The following CDH4 variants were observed in gnomAD, a reference collection of about 807,000 sequenced individuals.
CDH4 encodes cadherin 4.
Under a neutral mutation model 86.0 loss-of-function variants are expected in CDH4, and 33 were observed. That is an observed-to-expected ratio of 0.38 (90% confidence interval 0.29 to 0.51). The LOEUF is 0.51. CDH4 is among the 20% of genes least tolerant of loss of function. The pLI is 0.86. For synonymous variants in CDH4, 555 were observed against 549.4 expected, an observed-to-expected ratio of 1.01 and a Z score of -0.14; for missense variants, 1,114 against 1,307.4, an observed-to-expected ratio of 0.85 and a Z score of 2.28.
intron 2 of CDH4, among the ~76,000 whole-genome samples, chr20:61,733,432 G>A (rs891701391): frequency 6.6e-6 from 1 of 152,038 alleles, no homozygotes; most frequent in Non-Finnish European, 1.5e-5. Context: ...CGACTTTCTG[G>A]GTCTGCTCCC....
At chr20:61,444,347 C>CATCTG (rs1358388631) in intron 2 of CDH4, among the ~76,000 whole-genome samples, 26 of 4,416 alleles carry the variant, frequency 5.9e-3, no homozygotes, top group East Asian at 0.019. Flanking sequence ...CTGTGTGTGT[C>CATCTG]TGTGTATATT....
intron 2 of CDH4, among the ~76,000 whole-genome samples, chr20:61,388,413 C>T (rs942865566): frequency 6.8e-6 from 1 of 147,940 alleles, no homozygotes; most frequent in African/African-American, 2.5e-5. Context: ...CTGCACTGTG[C>T]GGCGAGCCAC....
intron 8 of CDH4, among the ~76,000 whole-genome samples, chr20:61,907,507 C>T (rs576275073): frequency 2.1e-4 from 32 of 152,264 alleles, no homozygotes; most frequent in African/African-American, 3.6e-4. Context: ...TGGCCTGAGT[C>T]GCCCCTGCTA....
chr20:61,594,995 A>G (rs977144128), intron 2 of CDH4, among the ~76,000 whole-genome samples: 2 of 152,212 alleles, frequency 1.3e-5, no homozygotes, highest in Middle Eastern at 3.2e-3. Flanking sequence ...CTGGCCATGC[A>G]CTGAGGGTGC....
intron 2 of CDH4, among the ~76,000 whole-genome samples, chr20:61,505,370 G>A (rs1600717428): frequency 6.6e-6 from 1 of 152,144 alleles, no homozygotes. Context: ...GCTTCAGGAC[G>A]GCCCGCTTTG....
At chr20:61,737,149 C>G (rs573386129) in intron 2 of CDH4, among the ~76,000 whole-genome samples, 4 of 152,176 alleles carry the variant, frequency 2.6e-5, no homozygotes, top group Non-Finnish European at 5.9e-5. Flanking sequence ...GGGCTGAGCC[C>G]TGCCTGGCAT....
intron 2 of CDH4, among the ~76,000 whole-genome samples, chr20:61,291,635 A>G (rs1894551255): frequency 6.6e-6 from 1 of 152,244 alleles, no homozygotes; most frequent in Non-Finnish European, 1.5e-5. Flanking sequence ...AGTGTGCCAC[A>G]AGGCCAAACA....
rs566342065 is a variant in CDH4 at position 61,732,255 on chromosome 20, G to A, written c.170-11308G>A. The stretch of plus-strand genomic sequence containing the variant: ...CCTAGCAAGTCCTGGTGAAGTGATG[G>A]ACATGAACACTGTGATATTCCAAAC... On this transcript the variant is annotated intron_variant, in intron 2 of 15. Transcript: ENST00000614565. 3.3e-5 allele frequency among the ~76,000 whole-genome samples: 5 copies of A among 152,294 alleles called. No homozygotes were observed. The South Asian group carries it at 8.3e-4, about 25-fold the overall frequency.
At position 61,464,769 on chromosome 20, in the gene CDH4, G is replaced by A. The variant is rs374575813; in HGVS notation, c.169+209832G>A. On this transcript the variant is annotated intron_variant, in intron 2 of 15. Coordinates refer to ENST00000614565, the MANE Select transcript of CDH4 (RefSeq NM_001794.5). Reference sequence around the variant, plus strand: ...AGAGCCCAGGTCCCCTCCTGAGCAAGAGTGGGCGCTCCTGCCAGCATCCAC... The same window carrying A: ...AGAGCCCAGGTCCCCTCCTGAGCAAAAGTGGGCGCTCCTGCCAGCATCCAC... 4.9e-4 allele frequency among the ~76,000 whole-genome samples: 74 copies of A among 152,294 alleles called. No homozygotes were observed. In the East Asian group the frequency reaches 0.013, roughly 26 times the overall value.
At chr20:61,394,001 G>A (rs1280516351) in intron 2 of CDH4, among the ~76,000 whole-genome samples, 1 of 152,134 alleles carries the variant, frequency 6.6e-6, no homozygotes. Context: ...GATCACAGAA[G>A]ACGTATAATA....
chr20:61,936,219 C>T (rs1396515695), intron 15 of CDH4, among the ~76,000 whole-genome samples: 1 of 151,174 alleles, frequency 6.6e-6, no homozygotes, highest in Non-Finnish European at 1.5e-5. Context: ...TAGGGAGGAG[C>T]TGAGCTTCAG....
At chr20:61,311,884 G>A (rs2084447407) in intron 2 of CDH4, among the ~76,000 whole-genome samples, 1 of 152,262 alleles carries the variant, frequency 6.6e-6, no homozygotes, top group East Asian at 1.9e-4. Context: ...ACAGCACCCT[G>A]GCTTCCTGCG....
chr20:61,779,193 G>A (rs1341393669), intron 4 of CDH4, among the ~76,000 whole-genome samples: 2 of 152,238 alleles, frequency 1.3e-5, no homozygotes, highest in African/African-American at 4.8e-5. Flanking sequence ...TGCACAATAT[G>A]TTCCCTTGAG....
At chr20:61,864,893 C>T (rs191188454) in intron 6 of CDH4, among the ~76,000 whole-genome samples, 28 of 152,284 alleles carry the variant, frequency 1.8e-4, no homozygotes, top group African/African-American at 6.3e-4. Context: ...TGGGGCTGCA[C>T]GGGGCCACTC....
At chr20:61,812,561 A>G (rs1743044381) in intron 4 of CDH4, among the ~76,000 whole-genome samples, 1 of 151,932 alleles carries the variant, frequency 6.6e-6, no homozygotes, top group African/African-American at 2.4e-5. Flanking sequence ...CCTGGTCTGT[A>G]TTTTCAGTCA....
intron 2 of CDH4, among the ~76,000 whole-genome samples, chr20:61,292,369 G>A (rs904692102): frequency 6.6e-6 from 1 of 152,218 alleles, no homozygotes; most frequent in Non-Finnish European, 1.5e-5. Context: ...GATGTGAAAC[G>A]CATCCACCCC....
Position 61,392,755 on chromosome 20 carries a change from G to A in CDH4, c.169+137818G>A, listed in dbSNP as rs1314689862. ...GGACTGTTTCTCACAGTATTCATCAGAAACTCGGTATTGCACATTTATTTC... is the reference window on the plus strand; with the variant it reads ...GGACTGTTTCTCACAGTATTCATCAAAAACTCGGTATTGCACATTTATTTC... On this transcript the variant is annotated intron_variant, in intron 2 of 15. Coordinates refer to ENST00000614565, the MANE Select transcript of CDH4 (RefSeq NM_001794.5). The surrounding 1 kb of genome is among the most constrained non-coding windows in gnomAD (Gnocchi z 5.7). 6.6e-6 allele frequency among the ~76,000 whole-genome samples: 1 copy of A among 152,182 alleles called. No individual in the cohort carries two copies. Among genetic ancestry groups the A allele is most frequent in the Non-Finnish European group, 1.5e-5 (1 of 68,040 alleles).
chr20:61,721,469 T>C (rs1187622551), intron 2 of CDH4, among the ~76,000 whole-genome samples: 2 of 152,240 alleles, frequency 1.3e-5, no homozygotes, highest in Non-Finnish European at 2.9e-5. Context: ...AAATCATTTC[T>C]GGTTCATTGA....
At chr20:61,800,016 C>T (rs1979746184) in intron 4 of CDH4, among the ~76,000 whole-genome samples, 1 of 152,124 alleles carries the variant, frequency 6.6e-6, no homozygotes, top group Non-Finnish European at 1.5e-5. Context: ...CAGCGGCCCT[C>T]GGTGGGCACA....
Sources: allele counts gnomAD v4.1 joint callset (sites outside exome capture counted in the v4.1 genomes callset), GRCh38; gene constraint gnomAD v4.1.1; non-coding constraint Gnocchi (gnomAD v3.1); transcripts MANE v1.5; gene names NCBI Gene and HGNC (gene_info 2026-07-23, HGNC 2026-07-21).